The following KCNK1 variants were observed in gnomAD, a reference collection of about 807,000 sequenced individuals.
The protein encoded by KCNK1 is potassium two pore domain channel subfamily K member 1.
A neutral mutation model predicts 22.2 loss-of-function variants in KCNK1; 10 were observed. That is an observed-to-expected ratio of 0.45 (90% confidence interval 0.28 to 0.76). The LOEUF is 0.76. Among genes scored for constraint, KCNK1 ranks in the 30% least tolerant of loss-of-function variants. KCNK1 has a pLI of 0.14. For missense variants in KCNK1, 378 were observed against 421.0 expected, an observed-to-expected ratio of 0.90 and a Z score of 0.89; for synonymous variants, 200 against 186.4, an observed-to-expected ratio of 1.07 and a Z score of -0.60.
At chr1:233,628,886 A>C (rs1657741074) in intron 1 of KCNK1, among the ~76,000 whole-genome samples, 1 of 152,210 alleles carries the variant, frequency 6.6e-6, no homozygotes, top group Non-Finnish European at 1.5e-5. Flanking sequence ...CATAGACTGA[A>C]GTGAATGTGC....
chr1:233,647,199 A>G (rs1658114673), intron 1 of KCNK1, among the ~76,000 whole-genome samples: 1 of 151,996 alleles, frequency 6.6e-6, no homozygotes, highest in Non-Finnish European at 1.5e-5. Flanking sequence ...TTTTCTTTTG[A>G]CTTTGTTCCA....
At chr1:233,667,391 C>T (rs1658509852) in intron 2 of KCNK1, among the ~76,000 whole-genome samples, 1 of 152,220 alleles carries the variant, frequency 6.6e-6, no homozygotes. Flanking sequence ...AAATTACAGA[C>T]GAATTTCTTA....
chr1:233,651,140 C>T (rs563177233), intron 1 of KCNK1, among the ~76,000 whole-genome samples: 2 of 152,314 alleles, frequency 1.3e-5, no homozygotes, highest in South Asian at 4.1e-4. Context: ...TTCTTGTCAT[C>T]CAGCGTTTGC....
chr1:233,629,485 C>G (rs767226494), intron 1 of KCNK1: 1 of 152,230 alleles, frequency 6.6e-6, no homozygotes, highest in South Asian at 2.1e-4. Flanking sequence ...AGCCAAAGCT[C>G]CCTGCTGGCA....
chr1:233,638,676 C>T (rs1244418582), intron 1 of KCNK1, among the ~76,000 whole-genome samples: 1 of 152,224 alleles, frequency 6.6e-6, no homozygotes, highest in Non-Finnish European at 1.5e-5. Flanking sequence ...CCATATTGCA[C>T]AGGTGCAGGG....
At chr1:233,649,117 G>T (rs758749207) in intron 1 of KCNK1, among the ~76,000 whole-genome samples, 4 of 152,086 alleles carry the variant, frequency 2.6e-5, no homozygotes, top group Non-Finnish European at 5.9e-5. Flanking sequence ...GGAGTAAAAA[G>T]GTGTATTTTT....
intron 1 of KCNK1, among the ~76,000 whole-genome samples, chr1:233,618,613 C>T (rs1045339084): frequency 6.6e-6 from 1 of 152,132 alleles, no homozygotes; most frequent in African/African-American, 2.4e-5. Flanking sequence ...TGCCCAGGCG[C>T]GGTGGCTCAC....
intron 1 of KCNK1, among the ~76,000 whole-genome samples, chr1:233,651,065 A>G (rs1285406657): frequency 4.6e-5 from 7 of 152,342 alleles, no homozygotes; most frequent in Admixed American, 4.6e-4. Flanking sequence ...GGGACCAAGC[A>G]AGAGCTATAT....
At chr1:233,644,375 A>G (rs1658053727) in intron 1 of KCNK1, among the ~76,000 whole-genome samples, 1 of 152,244 alleles carries the variant, frequency 6.6e-6, no homozygotes, top group Admixed American at 6.5e-5. Context: ...ATATTCGTTA[A>G]GCACATACTT....
intron 1 of KCNK1, among the ~76,000 whole-genome samples, chr1:233,622,514 C>G (rs1011263065): frequency 1.3e-5 from 2 of 152,328 alleles, no homozygotes; most frequent in Admixed American, 6.5e-5. Flanking sequence ...CTCCTAGACT[C>G]AGTCTGTACT....
chr1:233,655,493 A>C (rs899004619), intron 1 of KCNK1, among the ~76,000 whole-genome samples: 4 of 152,092 alleles, frequency 2.6e-5, no homozygotes, highest in Admixed American at 1.3e-4. Context: ...AAGGACATGA[A>C]ATTTTGGGAT....
At chr1:233,636,014 C>T (rs76343846) in intron 1 of KCNK1, among the ~76,000 whole-genome samples, 3,529 of 152,170 alleles carry the variant, frequency 0.023, 133 homozygotes, top group African/African-American at 0.078. Flanking sequence ...TCAGGCCATG[C>T]GGGCAGCCAC....
intron 1 of KCNK1, among the ~76,000 whole-genome samples, chr1:233,649,382 A>G (rs1658158864): frequency 6.6e-6 from 1 of 152,222 alleles, no homozygotes; most frequent in African/African-American, 2.4e-5. Context: ...CAAGTTATGT[A>G]GATGGACTGG....
intron 1 of KCNK1, among the ~76,000 whole-genome samples, chr1:233,641,252 A>C (rs575215634): frequency 1.2e-4 from 19 of 152,290 alleles, no homozygotes; most frequent in Non-Finnish European, 2.5e-4. Context: ...ATCTTCAGCC[A>C]GAGCACACCA....
chr1:233,666,526 T>C, intron 1 of KCNK1, 69 bp from the exon 2 acceptor site: 1 of 1,455,682 alleles, frequency 6.9e-7, no homozygotes, highest in Non-Finnish European at 9.3e-7. Flanking sequence ...GATAGGCATA[T>C]ATTGTTTAAA....
intron 1 of KCNK1, among the ~76,000 whole-genome samples, chr1:233,649,787 G>A (rs114993284): frequency 6.6e-6 from 1 of 152,284 alleles, no homozygotes; most frequent in South Asian, 2.1e-4. Context: ...TGGGGATTAG[G>A]CTTTAACATA....
At chr1:233,620,597 A>G (rs925957721) in intron 1 of KCNK1, among the ~76,000 whole-genome samples, 2 of 152,190 alleles carry the variant, frequency 1.3e-5, no homozygotes, top group Admixed American at 6.5e-5. Context: ...TATATCTACT[A>G]TAGAATTTAC....
At chr1:233,620,508 C>CT (rs540149329) in intron 1 of KCNK1, among the ~76,000 whole-genome samples, 5 of 151,074 alleles carry the variant, frequency 3.3e-5, no homozygotes, top group African/African-American at 1.2e-4. Flanking sequence ...TGTGTCACTG[C>CT]TTTTTTTTTC....
At chr1:233,645,899 A>T (rs1015520038) in intron 1 of KCNK1, among the ~76,000 whole-genome samples, 2 of 152,128 alleles carry the variant, frequency 1.3e-5, no homozygotes, top group Non-Finnish European at 2.9e-5. Context: ...GATAGATTAG[A>T]TGTTGGAGAC....
Sources: gnomAD v4.1 joint callset for allele counts (sites outside exome capture counted in the v4.1 genomes callset) on GRCh38, gnomAD v4.1.1 for gene constraint, MANE v1.5 for transcripts, NCBI Gene and HGNC (gene_info 2026-07-23, HGNC 2026-07-21) for gene names.